SPEF2: variants seen among roughly 807,000 people sequenced by gnomAD.
SPEF2 encodes the protein sperm flagellar and cilia associated 2.
In SPEF2, 187 loss-of-function variants were observed where a neutral mutation model predicts 224.6. The observed-to-expected ratio is 0.83, with a 90% CI of 0.74 to 0.94. The LOEUF (loss-of-function observed/expected upper bound fraction) is 0.94. Ranked by LOEUF, SPEF2 falls within the 40% of genes least tolerant of loss-of-function variation. SPEF2 has a pLI of 0.00. For synonymous variants in SPEF2, 715 were observed against 707.3 expected (o/e 1.01, Z -0.17); for missense variants, 2,170 against 2,135.6 (o/e 1.02, Z -0.32).
chr5:35,718,984 G>T (rs890866318), intron 20 of SPEF2, among the ~76,000 whole-genome samples: 2 of 152,142 alleles, frequency 1.3e-5, no homozygotes, highest in African/African-American at 4.8e-5. Flanking sequence ...CCAGATAACT[G>T]GTAGCTATAG....
At chr5:35,651,988 A>G (rs1748253372) in intron 6 of SPEF2, among the ~76,000 whole-genome samples, 1 of 152,072 alleles carries the variant, frequency 6.6e-6, no homozygotes, top group Admixed American at 6.5e-5. Context: ...GTAATTTGGT[A>G]TTTGGGTTAA....
intron 28 of SPEF2, among the ~76,000 whole-genome samples, chr5:35,775,167 G>T (rs563386330): frequency 6.6e-6 from 1 of 152,282 alleles, no homozygotes; most frequent in East Asian, 1.9e-4. Context: ...CCTGTTGACA[G>T]CTGGGCCTGT....
chr5:35,730,577 A>C (rs1216325608), intron 21 of SPEF2, among the ~76,000 whole-genome samples: 1 of 152,216 alleles, frequency 6.6e-6, no homozygotes, highest in Non-Finnish European at 1.5e-5. Flanking sequence ...TCAATTCTCT[A>C]CTGGCCTTGC....
chr5:35,673,013 GT>G (rs1411637436), intron 10 of SPEF2, among the ~76,000 whole-genome samples: 4 of 152,158 alleles, frequency 2.6e-5, no homozygotes, highest in Non-Finnish European at 5.9e-5. Context: ...CTCTATTTAT[GT>G]GAGAATGACT....
At chr5:35,713,134 A>G (rs1311508124) in intron 20 of SPEF2, among the ~76,000 whole-genome samples, 1 of 152,198 alleles carries the variant, frequency 6.6e-6, no homozygotes, top group Non-Finnish European at 1.5e-5. Context: ...ATATCCATTT[A>G]TCAGAGATAT....
chr5:35,739,411 T>C (rs1286043411), intron 21 of SPEF2, among the ~76,000 whole-genome samples: 1 of 152,200 alleles, frequency 6.6e-6, no homozygotes, highest in African/African-American at 2.4e-5. Context: ...AGATGGAATT[T>C]TGCTGTTGTT....
At chr5:35,628,422 T>C in intron 1 of SPEF2, 38 bp from the exon 2 acceptor site, 1 of 1,370,574 alleles carries the variant, frequency 7.3e-7, no homozygotes, top group Non-Finnish European at 1.0e-6. Flanking sequence ...TGCGCAACAT[T>C]GTATTCATGG....
Position 35,776,253 on chromosome 5 carries a change from A to G in SPEF2, c.4079-4A>G, listed in dbSNP as rs758368086. 2 of 1,601,424 alleles carry G rather than the reference A, an allele frequency of 1.2e-6. No individual in the cohort carries two copies. Among genetic ancestry groups the G allele is most frequent in the East Asian group, 4.5e-5 (2 of 44,700 alleles). The stretch of plus-strand genomic sequence containing the variant: ...AAAACATTCTTATTTCTCTTTGCAA[A>G]TAGAAATAGCCACGCAATTTCGACT... On this transcript the variant is annotated splice_region_variant and splice_polypyrimidine_tract_variant and intron_variant, in intron 28 of 36. Coordinates refer to ENST00000356031, the MANE Select transcript of SPEF2 (RefSeq NM_024867.4).
intron 20 of SPEF2, among the ~76,000 whole-genome samples, chr5:35,717,740 T>C (rs942484655): frequency 3.3e-5 from 5 of 152,226 alleles, no homozygotes; most frequent in Admixed American, 3.3e-4. Context: ...CCGCAAATGA[T>C]GTGAACTTCC....
chr5:35,715,282 CT>C (rs35526753), intron 20 of SPEF2, among the ~76,000 whole-genome samples: 114,036 of 151,698 alleles, frequency 0.75, 43,211 homozygotes, highest in Middle Eastern at 0.83. Flanking sequence ...TTTCTGAAGA[CT>C]TATGTTTTCA....
At chr5:35,729,466 C>A (rs776600801) in intron 21 of SPEF2, among the ~76,000 whole-genome samples, 12 of 152,184 alleles carry the variant, frequency 7.9e-5, no homozygotes, top group Admixed American at 6.5e-4. Context: ...TCCTGAAGTA[C>A]TTACGTACAT....
chr5:35,646,772 G>A lies in SPEF2; in HGVS notation c.691G>A (p.Ala231Thr). The A allele has an allele frequency of 1.2e-6, 2 of 1,613,604 alleles. No individual in the cohort carries two copies. Residue 231 changes from alanine to threonine, a missense_variant, in exon 5 of 37, where the codon GCC becomes ACC. Ala to Thr is a moderately conservative substitution (Grantham distance 58, BLOSUM62 0). Transcript: ENST00000356031. ...ASNRTLKALEAQKMMKKKKEA... is the reference protein window; with the variant it reads ...ASNRTLKALETQKMMKKKKEA... ...AAATCGTACTTTGAAAGCACTCGAG[G>A]CCCAAAAAATGATGAAAAAGAAAAA...
At chr5:35,747,775 A>G (rs1430532509) in intron 23 of SPEF2, among the ~76,000 whole-genome samples, 1 of 152,222 alleles carries the variant, frequency 6.6e-6, no homozygotes, top group Non-Finnish European at 1.5e-5. Context: ...TAGACAGGTC[A>G]TCAAGATAGA....
chr5:35,775,258 CA>C (rs138647522), intron 28 of SPEF2, among the ~76,000 whole-genome samples: 46,550 of 150,724 alleles, frequency 0.31, 7,201 homozygotes, highest in African/African-American at 0.33. Context: ...GATCCTGTCT[CA>C]AAAAAAAATG....
chr5:35,662,328 AC>A (rs1749861895), intron 8 of SPEF2, among the ~76,000 whole-genome samples: 1 of 151,694 alleles, frequency 6.6e-6, no homozygotes, highest in Admixed American at 6.6e-5. Flanking sequence ...TGGATATTAG[AC>A]CTTTGTCAGA....
intron 33 of SPEF2, among the ~76,000 whole-genome samples, chr5:35,798,813 C>T (rs1757028596): frequency 6.6e-6 from 1 of 152,012 alleles, no homozygotes; most frequent in African/African-American, 2.4e-5. Context: ...AGAGTGGTCT[C>T]CAACTCTGTT....
Position 35,810,995 on chromosome 5 carries a change from A to G in SPEF2, c.5380-3469A>G, listed in dbSNP as rs1292324978. Among the ~76,000 whole-genome samples the G allele has an allele frequency of 4.6e-5, 7 of 152,192 alleles. No homozygotes were observed. The East Asian group carries it at 1.3e-3, about 29-fold the overall frequency. On this transcript the variant is annotated intron_variant, in intron 36 of 36. Coordinates refer to ENST00000356031, the MANE Select transcript of SPEF2 (RefSeq NM_024867.4). Reference sequence around the variant, plus strand: ...GACTCATTTGTATGATGGTCCATCAAGAAGAGTTGTGCCTGTGTCCTGAAA... The same window carrying G: ...GACTCATTTGTATGATGGTCCATCAGGAAGAGTTGTGCCTGTGTCCTGAAA...
At chr5:35,695,820 G>A (rs1755230827) in intron 14 of SPEF2, 24 bp downstream of exon 14, 3 of 1,544,274 alleles carry the variant, frequency 1.9e-6, no homozygotes, top group South Asian at 2.3e-5. Context: ...TCTAATTTTA[G>A]CTACTAACAT....
At chr5:35,673,073 C>T (rs1751409776) in intron 10 of SPEF2, among the ~76,000 whole-genome samples, 1 of 152,168 alleles carries the variant, frequency 6.6e-6, no homozygotes, top group Non-Finnish European at 1.5e-5. Context: ...ATTTCTCTCT[C>T]CCAGGAAAGA....
Sources: gnomAD v4.1 joint callset for allele counts (sites outside exome capture counted in the v4.1 genomes callset) on GRCh38, gnomAD v4.1.1 for gene constraint, MANE v1.5 for transcripts, NCBI Gene and HGNC (gene_info 2026-07-23, HGNC 2026-07-21) for gene names.